The following GALNT14 variants were observed in gnomAD, a reference collection of about 807,000 sequenced individuals.
The protein encoded by GALNT14 is UDP-GalNAc:polypeptide N-acetylgalactosaminyltransferase 14.
GALNT14 carries 60 observed loss-of-function variants against 77.5 expected under a neutral mutation model. The ratio of observed to expected loss-of-function variants is 0.77; its 90% CI spans 0.63 to 0.96. The LOEUF (loss-of-function observed/expected upper bound fraction) is 0.96, where lower values mean the gene tolerates loss of function less well. Among genes scored for constraint, GALNT14 ranks in the 40% least tolerant of loss-of-function variants. The pLI is 0.00. For missense variants in GALNT14, 710 were observed against 731.0 expected (o/e 0.97, Z 0.33); for synonymous variants, 280 against 281.7 (o/e 0.99, Z 0.06).
rs546623302 is a variant in GALNT14 at position 31,029,489 on chromosome 2, G to A, written c.130-36482C>T. Reference sequence around the variant, plus strand: ...TATTTTATTTGTAATACAATACAACGTAGTTATATTTCTCAGCCTGCCCTG... The same window carrying A: ...TATTTTATTTGTAATACAATACAACATAGTTATATTTCTCAGCCTGCCCTG... On this transcript the variant is annotated intron_variant, in intron 1 of 14. Coordinates refer to ENST00000349752, the MANE Select transcript of GALNT14 (RefSeq NM_024572.4). Among the ~76,000 whole-genome samples, 23 of 152,296 alleles carry A rather than the reference G, an allele frequency of 1.5e-4. 1 individual carries two copies. The highest frequency in any genetic ancestry group is 1.9e-4 in the African/African-American group (8 of 41,542).
At chr2:30,934,637 T>G (rs1665945028) in intron 9 of GALNT14, among the ~76,000 whole-genome samples, 1 of 152,000 alleles carries the variant, frequency 6.6e-6, no homozygotes, top group Non-Finnish European at 1.5e-5. Context: ...TACTGACCCC[T>G]CCCTTCTGCC....
At chr2:30,892,105 T>A in the GALNT14 span, among the ~76,000 whole-genome samples, 14 of 152,210 alleles carry the variant, frequency 9.2e-5, no homozygotes, top group African/African-American at 3.1e-4. Flanking sequence ...TGCTGCCTAA[T>A]CAGGACACAG....
chr2:30,947,363 C>T (rs1186482555), intron 6 of GALNT14, among the ~76,000 whole-genome samples: 5 of 152,208 alleles, frequency 3.3e-5, no homozygotes, highest in African/African-American at 1.2e-4. Flanking sequence ...TTACTTGCTA[C>T]GTCCCTCAGG....
intron 1 of GALNT14, among the ~76,000 whole-genome samples, chr2:31,000,448 T>TGTGTGTGC (rs1670299339): frequency 1.3e-5 from 2 of 151,180 alleles, no homozygotes; most frequent in Non-Finnish European, 2.9e-5. Flanking sequence ...TGTGTGTGTG[T>TGTGTGTGC]GTGTGTGTGT....
chr2:31,137,871 T>A, intron 1 of GALNT14, 87 bp downstream of exon 1: 1 of 1,506,456 alleles, frequency 6.6e-7, no homozygotes, highest in Non-Finnish European at 8.9e-7. Context: ...TCGCCCTGGT[T>A]TCCCGGGAGC....
At chr2:31,116,695 G>T (rs1678122314) in intron 1 of GALNT14, among the ~76,000 whole-genome samples, 1 of 152,270 alleles carries the variant, frequency 6.6e-6, no homozygotes, top group African/African-American at 2.4e-5. Context: ...AGGATAAGTT[G>T]AATCAAGAAT....
intron 9 of GALNT14, among the ~76,000 whole-genome samples, chr2:30,935,163 T>C (rs949784919): frequency 2.0e-5 from 3 of 152,142 alleles, no homozygotes; most frequent in Admixed American, 2.0e-4. Flanking sequence ...ATGTTCTTAT[T>C]TTGCGATGCA....
intron 6 of GALNT14, among the ~76,000 whole-genome samples, chr2:30,952,726 A>G (rs906298168): frequency 6.6e-6 from 1 of 150,876 alleles, no homozygotes; most frequent in Non-Finnish European, 1.5e-5. Flanking sequence ...TAACCTGCAC[A>G]TTGTGCACAT....
intron 6 of GALNT14, among the ~76,000 whole-genome samples, chr2:30,947,956 T>C (rs1403269220): frequency 3.3e-5 from 5 of 152,212 alleles, no homozygotes; most frequent in African/African-American, 9.6e-5. Flanking sequence ...GGTTCATTCA[T>C]AGTCAGCACT....
At chr2:31,031,105 G>A (rs895697060) in intron 1 of GALNT14, among the ~76,000 whole-genome samples, 12 of 152,132 alleles carry the variant, frequency 7.9e-5, no homozygotes, top group African/African-American at 2.9e-4. Context: ...CATGTGCTCA[G>A]ATAATTTAGT....
At chr2:30,924,518 G>A (rs1299547797) in intron 12 of GALNT14, among the ~76,000 whole-genome samples, 1 of 152,180 alleles carries the variant, frequency 6.6e-6, no homozygotes, top group Non-Finnish European at 1.5e-5. Context: ...ACCCAAGCAG[G>A]TGAGAAATAC....
At chr2:31,116,649 C>T (rs1042325216) in intron 1 of GALNT14, among the ~76,000 whole-genome samples, 8 of 152,014 alleles carry the variant, frequency 5.3e-5, no homozygotes, top group Non-Finnish European at 7.4e-5. Flanking sequence ...TGAACAGATC[C>T]AGTAGCTCAA....
chr2:30,945,089 C>G (rs1227364886), intron 7 of GALNT14, 147 bp from the exon 8 acceptor site: 1 of 574,074 alleles, frequency 1.7e-6, no homozygotes, highest in Admixed American at 3.1e-5. Context: ...TTTCCCTAGG[C>G]TGATCAGCAG....
At chr2:30,997,274 G>C (rs970747896) in intron 1 of GALNT14, among the ~76,000 whole-genome samples, 5 of 152,168 alleles carry the variant, frequency 3.3e-5, no homozygotes, top group African/African-American at 1.2e-4. Context: ...CAGCTTCCAA[G>C]AGCCCAAAGT....
At chr2:30,934,916 A>T (rs1433291891) in intron 9 of GALNT14, among the ~76,000 whole-genome samples, 1 of 152,164 alleles carries the variant, frequency 6.6e-6, no homozygotes, top group East Asian at 1.9e-4. Flanking sequence ...ACGGGACATT[A>T]TCACACCCAA....
At chr2:31,016,375 G>A (rs1196492284) in intron 1 of GALNT14, among the ~76,000 whole-genome samples, 3 of 152,082 alleles carry the variant, frequency 2.0e-5, no homozygotes, top group Admixed American at 2.0e-4. Context: ...AGTCACATGG[G>A]GGTTAGAGCT....
intron 6 of GALNT14, among the ~76,000 whole-genome samples, chr2:30,946,375 A>G (rs10188650): frequency 0.44 from 66,438 of 151,888 alleles, 15,354 homozygotes; most frequent in African/African-American, 0.59. Flanking sequence ...GAATGGCTTA[A>G]CACTATCCCC....
At chr2:30,991,939 T>C (rs1669730568) in intron 2 of GALNT14, among the ~76,000 whole-genome samples, 2 of 152,008 alleles carry the variant, frequency 1.3e-5, no homozygotes, top group Admixed American at 6.6e-5. Context: ...CAAACAAATA[T>C]AAGAGGCTAA....
At chr2:30,973,773 T>G (rs1324408770) in intron 2 of GALNT14, among the ~76,000 whole-genome samples, 1 of 152,228 alleles carries the variant, frequency 6.6e-6, no homozygotes, top group Non-Finnish European at 1.5e-5. Context: ...TTCATTCACA[T>G]AAACATATAC....
Sources: gnomAD v4.1 joint callset for allele counts (sites outside exome capture counted in the v4.1 genomes callset) on GRCh38, gnomAD v4.1.1 for gene constraint, MANE v1.5 for transcripts, NCBI Gene and HGNC (gene_info 2026-07-23, HGNC 2026-07-21) for gene names.